Variants in CARS2 observed in about 807,000 individuals in gnomAD.
CARS2 encodes probable cysteine--tRNA ligase, mitochondrial.
In CARS2, 52 loss-of-function variants were observed where a neutral mutation model predicts 68.8. The observed-to-expected ratio is 0.76, with a 90% CI of 0.61 to 0.95. CARS2 has a LOEUF of 0.95. Among genes scored for constraint, CARS2 ranks in the 40% least tolerant of loss-of-function variants. The pLI is 0.00. For synonymous variants in CARS2, 314 were observed against 303.6 expected (o/e 1.03, Z -0.36); for missense variants, 780 against 754.2 (o/e 1.03, Z -0.40).
intron 9 of CARS2, among the ~76,000 whole-genome samples, chr13:110,659,750 A>G (rs1314032357): frequency 6.6e-6 from 1 of 152,236 alleles, no homozygotes; most frequent in Admixed American, 6.5e-5. Flanking sequence ...CAAAAATGAT[A>G]ATCATATGAG....
chr13:110,698,031 A>G, intron 3 of CARS2: 1 of 451,306 alleles, frequency 2.2e-6, no homozygotes, highest in Admixed American at 2.4e-5. Context: ...CTTTTCAGAT[A>G]AACGCCCCAG....
At position 110,683,059 on chromosome 13, in the gene CARS2, C is replaced by T. The variant is rs146773721; in HGVS notation, c.647G>A (p.Gly216Glu). Residue 216 changes from glycine (G) to glutamate (E), a missense_variant, in exon 6 of 15, where the codon GGA becomes GAA. Coordinates refer to ENST00000257347, the MANE Select transcript of CARS2 (RefSeq NM_024537.4). ...GAGCCCGGCCAACCCACCTGGCTCT[C>T]CGACTGGACCAGGGACCACGCCGAC... is the stretch of plus-strand genomic sequence containing the variant. ...KLVGVVPGPV[G>E]EPADSDKRHA... 0.018 allele frequency: 29,186 copies of T among 1,600,186 alleles called. 373 individuals carry two copies. Among genetic ancestry groups the T allele is most frequent in the Admixed American group, 0.035 (2,009 of 57,638 alleles).
At chr13:110,699,500 G>T (rs183512506) in intron 3 of CARS2, among the ~76,000 whole-genome samples, 3 of 152,310 alleles carry the variant, frequency 2.0e-5, no homozygotes, top group Non-Finnish European at 4.4e-5. Context: ...ACTACATCTC[G>T]TCTACATCAA....
chr13:110,702,286 C>G (rs1457164136), intron 2 of CARS2, among the ~76,000 whole-genome samples: 1 of 152,150 alleles, frequency 6.6e-6, no homozygotes, highest in South Asian at 2.1e-4. Flanking sequence ...CCACACACCC[C>G]CTCCCTCTCC....
chr13:110,646,135 CTCCCCAGGCGGCCCCCACACCAGTCCT>C, intron 11 of CARS2, 45 bp from the exon 12 acceptor site: 8 of 1,583,486 alleles, frequency 5.1e-6, no homozygotes, highest in Non-Finnish European at 6.9e-6. Context: ...GAGCTCCACT[CTCCCCAGGCGGCCCCCACACCAGTCCT>C]TCCCCAGGGA....
intron 14 of CARS2, 149 bp from the exon 15 acceptor site, chr13:110,641,757 TC>T: frequency 1.4e-6 from 1 of 705,646 alleles, no homozygotes; most frequent in East Asian, 2.5e-5. Flanking sequence ...CCCCACTACC[TC>T]CAGCAGAAGG....
rs1311361551 is a variant in CARS2 at position 110,665,112 on chromosome 13, TG to T, written c.920-1595del. On this transcript the variant is annotated intron_variant, in intron 8 of 14. Coordinates refer to ENST00000257347, the MANE Select transcript of CARS2 (RefSeq NM_024537.4). This position sits in a 1 kb window ranked among gnomAD's most constrained non-coding sequence, Gnocchi z 4.3. Reference sequence around the variant, plus strand: ...GCCAAACTAGTATGAAAAAGATCGCTGGTATCTTAACAGGTAGTAAAAAATC... The same window carrying T: ...GCCAAACTAGTATGAAAAAGATCGCTGTATCTTAACAGGTAGTAAAAAATC... 1.0e-6 allele frequency: 1 copy of T among 985,296 alleles called. No individual in the cohort carries two copies. The highest frequency in any genetic ancestry group is 1.2e-6 in the Non-Finnish European group (1 of 829,932). The allele number at this position is 985,296 out of a possible 1,614,324, so 61.0% of individuals were successfully genotyped here. A position where few individuals can be genotyped will look rare whatever the true frequency, so the allele number is the denominator to read the frequency against.
intron 2 of CARS2, among the ~76,000 whole-genome samples, chr13:110,703,086 C>A (rs1048009729): frequency 6.6e-6 from 1 of 152,144 alleles, no homozygotes; most frequent in East Asian, 1.9e-4. Context: ...TGCTCCTCCC[C>A]CCTAGCACCA....
At chr13:110,713,510 C>T in exon 1 of CARS2, 2 of 986,736 alleles carry the variant, frequency 2.0e-6, no homozygotes, top group South Asian at 4.6e-5. Context: ...CGACCCTCGC[C>T]TCTGGAAAAA....
intron 3 of CARS2, among the ~76,000 whole-genome samples, chr13:110,699,713 CAA>C (rs752177798): frequency 6.6e-5 from 10 of 152,244 alleles, no homozygotes; most frequent in African/African-American, 1.2e-4. Flanking sequence ...GCATGTGGGG[CAA>C]AGAGTGACAG....
chr13:110,644,491 A>T lies in CARS2; in HGVS notation c.1318-8T>A, dbSNP rs1044806231. On this transcript the variant is annotated splice_polypyrimidine_tract_variant and splice_region_variant and intron_variant, in intron 12 of 14. Coordinates refer to ENST00000257347, the MANE Select transcript of CARS2 (RefSeq NM_024537.4). ...TCTCGGCCCTTCAGGTTCCTGTAAG[A>T]GATCATGTCGCAGAAGCTCCTTAAA... 6.2e-7 allele frequency: 1 copy of T among 1,613,920 alleles called. No homozygotes were observed. Among genetic ancestry groups the T allele is most frequent in the Non-Finnish European group, 8.5e-7 (1 of 1,179,942 alleles).
chr13:110,688,752 A>T (rs1354328217), intron 3 of CARS2: 1 of 152,846 alleles, frequency 6.5e-6, no homozygotes, highest in East Asian at 1.9e-4. Context: ...TCTACTTAAA[A>T]TACAAAAGTT....
In CARS2 at chr13:110,667,439, C is replaced by T; in HGVS notation, c.820G>A (p.Gly274Ser). ...VFGSQLDIHS[G>S]GIDLAFPHHE... ...TGTGGAAAAGCTAAATCTATCCCAC[C>T]TGAATGGATATCCAGTTGACTTCCA... Residue 274 changes from glycine (G) to serine (S), a missense_variant, in exon 8 of 15, where the codon GGT (glycine) becomes AGT (serine). Coordinates refer to ENST00000257347, the MANE Select transcript of CARS2 (RefSeq NM_024537.4). 6.2e-7 allele frequency: 1 copy of T among 1,613,862 alleles called. No individual in the cohort carries two copies. The highest frequency in any genetic ancestry group is 1.3e-5 in the African/African-American group (1 of 75,042).
intron 6 of CARS2, among the ~76,000 whole-genome samples, chr13:110,679,567 A>AAGAGAGAAAGAAAGAAAGAAAGAG (rs2063079364): frequency 1.1e-5 from 1 of 92,844 alleles, no homozygotes; most frequent in Non-Finnish European, 2.1e-5. Flanking sequence ...GAAAGAAAGA[A>AAGAGAGAAAGAAAGAAAGAAAGAG]AGAGAGAGAA....
chr13:110,660,061 T>C (rs2062463386), intron 9 of CARS2, among the ~76,000 whole-genome samples: 1 of 152,258 alleles, frequency 6.6e-6, no homozygotes, highest in South Asian at 2.1e-4. Flanking sequence ...TTGTTGTCAT[T>C]TCAACAATGT....
intron 7 of CARS2, among the ~76,000 whole-genome samples, chr13:110,667,723 TTTTCTTTC>T (rs1270267231): frequency 1.3e-5 from 2 of 152,222 alleles, no homozygotes; most frequent in Non-Finnish European, 2.9e-5. Flanking sequence ...TTTTTTCTCT[TTTTCTTTC>T]TTTCTTTTTC....
At chr13:110,669,860 C>A (rs2062753636) in intron 7 of CARS2, among the ~76,000 whole-genome samples, 1 of 152,210 alleles carries the variant, frequency 6.6e-6, no homozygotes, top group South Asian at 2.1e-4. Flanking sequence ...CACTCCCACC[C>A]TAATACTGTG....
intron 9 of CARS2, among the ~76,000 whole-genome samples, chr13:110,652,656 A>ACTCCTGT (rs1261231299): frequency 6.6e-6 from 1 of 151,866 alleles, no homozygotes; most frequent in Non-Finnish European, 1.5e-5. Context: ...CCACAGCCCA[A>ACTCCTGT]CTCCTGTCTG....
intron 6 of CARS2, among the ~76,000 whole-genome samples, chr13:110,679,589 A>G (rs866098037): frequency 7.1e-5 from 6 of 83,966 alleles, no homozygotes; most frequent in South Asian, 1.0e-3. Flanking sequence ...GAAAGAAAGA[A>G]AGAAAGAAAG....
Sources: allele counts gnomAD v4.1 joint callset (sites outside exome capture counted in the v4.1 genomes callset), GRCh38; gene constraint gnomAD v4.1.1; non-coding constraint Gnocchi (gnomAD v3.1); transcripts MANE v1.5; gene names NCBI Gene and HGNC (gene_info 2026-07-23, HGNC 2026-07-21).